The following RANBP3L variants were observed in gnomAD, a reference collection of about 807,000 sequenced individuals.
RANBP3L encodes the protein ran-binding protein 3-like.
A neutral mutation model predicts 67.2 loss-of-function variants in RANBP3L; 56 were observed. That is an observed-to-expected ratio of 0.83 (90% CI 0.67 to 1.04). RANBP3L has a LOEUF of 1.04. RANBP3L is among the 50% of genes least tolerant of loss of function. The pLI, the probability that RANBP3L is intolerant of heterozygous loss-of-function variation, is 0.00. For missense variants in RANBP3L, 496 were observed against 535.5 expected, an observed-to-expected ratio of 0.93 and a Z score of 0.73; for synonymous variants, 164 against 181.4, an observed-to-expected ratio of 0.90 and a Z score of 0.77.
At chr5:36,290,108 T>A (rs1305701091) in intron 1 of RANBP3L, among the ~76,000 whole-genome samples, 1 of 152,194 alleles carries the variant, frequency 6.6e-6, no homozygotes, top group East Asian at 1.9e-4. Flanking sequence ...TTTATGTTCC[T>A]CTACATCTTT....
intron 1 of RANBP3L, among the ~76,000 whole-genome samples, chr5:36,273,031 C>T (rs1750333894): frequency 6.6e-6 from 1 of 152,162 alleles, no homozygotes; most frequent in African/African-American, 2.4e-5. Context: ...AATATATTGG[C>T]ATTACCATTC....
rs1239167694 is a variant in RANBP3L, at chr5:36,301,384, G to A, written c.33C>T (p.His11=). 4 of 1,613,762 alleles carry A rather than the reference G, an allele frequency of 2.5e-6. No homozygotes were observed. Among genetic ancestry groups the A allele is most frequent in the Admixed American group, 1.7e-5 (1 of 60,004 alleles). ...TACAGGTGTGCAAACTGCCAGGCAG[G>A]TGGCTGCTGCCTTTTCTTGGTATGG... The part of the protein sequence containing the change: MTTIPRKGSS[H]LPGSLHTCKL... Residue 11 remains histidine, a synonymous_variant, in exon 1 of 14, where the codon CAC becomes CAT. Transcript: ENST00000296604.
In RANBP3L at chr5:36,262,031, T is replaced by C; in HGVS notation, c.492A>G (p.Gly164=). The change falls in exon 7 of 14, where the codon GGA becomes GGG. Residue 164 remains glycine (G), a synonymous_variant. Transcript: ENST00000296604. ...KEKTNNKISE[G]NSYLLSENLS... Reference sequence around the variant, plus strand: ...AATTTTCACTTAACAAATAGGAATTTCCCTCAGAAATCTGAAAGTAAAGAA... The same window carrying C: ...AATTTTCACTTAACAAATAGGAATTCCCCTCAGAAATCTGAAAGTAAAGAA... 3 of 1,571,770 alleles carry C rather than the reference T, an allele frequency of 1.9e-6. No individual in the cohort carries two copies. Among genetic ancestry groups the C allele is most frequent in the South Asian group, 1.1e-5 (1 of 89,450 alleles).
intron 7 of RANBP3L, 134 bp downstream of exon 7, chr5:36,261,805 A>T (rs999559628): frequency 2.4e-5 from 12 of 495,228 alleles, no homozygotes; most frequent in Non-Finnish European, 4.0e-5. Flanking sequence ...TGTGTTTCCT[A>T]TAAAATCTCC....
At chr5:36,297,980 A>G (rs1214735923) in intron 1 of RANBP3L, among the ~76,000 whole-genome samples, 3 of 152,134 alleles carry the variant, frequency 2.0e-5, no homozygotes, top group Non-Finnish European at 4.4e-5. Flanking sequence ...GAAGCATTTT[A>G]GCATATGGCA....
Position 36,256,934 on chromosome 5 carries a change from T to C in RANBP3L, c.903+7A>G, listed in dbSNP as rs780158746. On this transcript the variant is annotated splice_region_variant and intron_variant, in intron 10 of 13. Transcript: ENST00000296604. ...CTACCAGAAAGAGTAAAACATGATA[T>C]ACAGACCTTTAACACATTATGTTCT... is the stretch of plus-strand genomic sequence containing the variant. 1.2e-5 allele frequency: 19 copies of C among 1,611,092 alleles called. No homozygotes were observed. The highest frequency in any genetic ancestry group is 2.7e-5 in the African/African-American group (2 of 74,830).
At chr5:36,258,142 A>G (rs1001146727) in intron 8 of RANBP3L, among the ~76,000 whole-genome samples, 17 of 152,190 alleles carry the variant, frequency 1.1e-4, no homozygotes, top group African/African-American at 3.9e-4. Flanking sequence ...TTTAGAAAAA[A>G]TCCTAACTTT....
At chr5:36,284,090 T>C (rs1476144084) in intron 1 of RANBP3L, among the ~76,000 whole-genome samples, 1 of 152,138 alleles carries the variant, frequency 6.6e-6, no homozygotes, top group Non-Finnish European at 1.5e-5. Flanking sequence ...TTCAAGTGAT[T>C]CTCCTGCCTC....
chr5:36,295,379 C>T (rs898099891), intron 1 of RANBP3L, among the ~76,000 whole-genome samples: 11 of 152,002 alleles, frequency 7.2e-5, no homozygotes, highest in South Asian at 2.1e-4. Flanking sequence ...GGGGCTTTTC[C>T]GTCTTTGCTC....
At chr5:36,282,897 T>C (rs1414125527) in intron 1 of RANBP3L, among the ~76,000 whole-genome samples, 1 of 152,174 alleles carries the variant, frequency 6.6e-6, no homozygotes, top group Non-Finnish European at 1.5e-5. Flanking sequence ...CTGTGGCAGA[T>C]GGTTCTGCAG....
rs1748337793 is a variant in RANBP3L at position 36,246,980 on chromosome 5, GA to G, written c.*2673del. Among the ~76,000 whole-genome samples, 1 of 152,028 alleles carries G rather than the reference GA, an allele frequency of 6.6e-6. No individual in the cohort carries two copies. Among genetic ancestry groups the G allele is most frequent in the South Asian group, 2.1e-4 (1 of 4,816 alleles). On this transcript the variant is annotated 3_prime_UTR_variant, in exon 14 of 14. Transcript: ENST00000296604. ...ACAGTTGGGTAAAATCTTACTAAAA[GA>G]AAGTTAAGGTTGTCTTAACACAAGA...
In RANBP3L at chr5:36,284,889, A is replaced by G. The variant is rs538638047; in HGVS notation, c.92-13578T>C. 8.5e-5 allele frequency among the ~76,000 whole-genome samples: 13 copies of G among 152,340 alleles called. 1 individual carries two copies. The South Asian group carries it at 2.7e-3, about 32-fold the overall frequency. ...TTAACCAGTGATTTAATAGCAACCT[A>G]TTCTAAACAACTGAACCACAAATTG... On this transcript the variant is annotated intron_variant, in intron 1 of 13. Transcript: ENST00000296604.
At chr5:36,272,896 C>T (rs1750323984) in intron 1 of RANBP3L, among the ~76,000 whole-genome samples, 1 of 152,158 alleles carries the variant, frequency 6.6e-6, no homozygotes, top group Admixed American at 6.5e-5. Context: ...CCCACCTTGG[C>T]CTCCCAAAGT....
intron 4 of RANBP3L, among the ~76,000 whole-genome samples, chr5:36,267,149 T>C (rs1330472643): frequency 6.6e-6 from 1 of 152,194 alleles, no homozygotes; most frequent in Non-Finnish European, 1.5e-5. Flanking sequence ...TGAAAGTTAC[T>C]TGATATACTG....
rs547956046 is a variant in RANBP3L, at chr5:36,283,938, C to T, written c.92-12627G>A. 1.1e-4 allele frequency among the ~76,000 whole-genome samples: 16 copies of T among 151,988 alleles called. No homozygotes were observed. The East Asian group carries it at 2.7e-3, about 26-fold the overall frequency. ...TACAGGTCATACTTAAAAATCTCTT[C>T]TTTATCTCTCCTGTTTGAGTATATA... On this transcript the variant is annotated intron_variant, in intron 1 of 13. Coordinates refer to ENST00000296604, the MANE Select transcript of RANBP3L (RefSeq NM_145000.5).
chr5:36,291,254 T>C (rs1561141344), intron 1 of RANBP3L, among the ~76,000 whole-genome samples: 1 of 152,132 alleles, frequency 6.6e-6, no homozygotes. Flanking sequence ...CCATTCTACT[T>C]TCTGTCTCTC....
At chr5:36,256,064 T>A (rs975211805) in intron 10 of RANBP3L, among the ~76,000 whole-genome samples, 10 of 152,110 alleles carry the variant, frequency 6.6e-5, no homozygotes, top group Non-Finnish European at 1.5e-4. Context: ...AGTAAAAGAA[T>A]CATTGAACCA....
intron 1 of RANBP3L, among the ~76,000 whole-genome samples, chr5:36,292,597 C>A (rs1751874558): frequency 6.6e-6 from 1 of 152,010 alleles, no homozygotes. Flanking sequence ...AGGAAGGGAC[C>A]CAGTTTCAGC....
chr5:36,277,364 A>G (rs1396033462), intron 1 of RANBP3L, among the ~76,000 whole-genome samples: 1 of 149,302 alleles, frequency 6.7e-6, no homozygotes, highest in African/African-American at 2.5e-5. Flanking sequence ...CTAGAGCTGT[A>G]TTTTAAATAA....
Sources: gnomAD v4.1 joint callset for allele counts (sites outside exome capture counted in the v4.1 genomes callset) on GRCh38, gnomAD v4.1.1 for gene constraint, MANE v1.5 for transcripts, NCBI Gene and HGNC (gene_info 2026-07-23, HGNC 2026-07-21) for gene names.